Variants in SLC44A5 observed in about 807,000 individuals in gnomAD.
SLC44A5 encodes the protein choline transporter-like protein 5.
A neutral mutation model predicts 101.8 loss-of-function variants in SLC44A5; 57 were observed. The ratio of observed to expected loss-of-function variants is 0.56; its 90% confidence interval spans 0.45 to 0.70. SLC44A5 has a LOEUF of 0.70. Among genes scored for constraint, SLC44A5 ranks in the 30% least tolerant of loss-of-function variants. SLC44A5 has a pLI of 0.00. For missense variants in SLC44A5, 737 were observed against 853.1 expected (o/e 0.86, Z 1.70); for synonymous variants, 281 against 290.9 (o/e 0.97, Z 0.35).
chr1:75,444,881 G>C (rs1164560855), intron 2 of SLC44A5, among the ~76,000 whole-genome samples: 5 of 152,058 alleles, frequency 3.3e-5, no homozygotes, highest in Non-Finnish European at 5.9e-5. Flanking sequence ...GAAGTACAAA[G>C]CAGGGTCAAA....
intron 2 of SLC44A5, among the ~76,000 whole-genome samples, chr1:75,406,983 C>T (rs59729485): frequency 6.6e-6 from 1 of 152,090 alleles, no homozygotes; most frequent in South Asian, 2.1e-4. Flanking sequence ...CCAAAATCTC[C>T]TTAAGCTGAT....
At chr1:75,255,184 C>T (rs969567200) in intron 6 of SLC44A5, among the ~76,000 whole-genome samples, 1 of 152,032 alleles carries the variant, frequency 6.6e-6, no homozygotes, top group Non-Finnish European at 1.5e-5. Context: ...CCCAAACCAC[C>T]CAGTCCTTTT....
chr1:75,306,733 C>CT (rs771955227), intron 4 of SLC44A5, among the ~76,000 whole-genome samples: 2,389 of 102,498 alleles, frequency 0.023, 155 homozygotes, highest in African/African-American at 0.074. Context: ...GGTTTCCTTT[C>CT]TTTTTTTTTT....
chr1:75,543,955 T>C (rs1043034375), intron 1 of SLC44A5, among the ~76,000 whole-genome samples: 3 of 152,124 alleles, frequency 2.0e-5, no homozygotes, highest in Admixed American at 6.6e-5. Context: ...AGGCAGGTGA[T>C]TAATAATCAC....
intron 2 of SLC44A5, among the ~76,000 whole-genome samples, chr1:75,485,212 T>A (rs1668089619): frequency 6.6e-6 from 1 of 152,258 alleles, no homozygotes; most frequent in Admixed American, 6.5e-5. Flanking sequence ...ACTTTTACGC[T>A]CTACTTCCCT....
chr1:75,705,389 C>T, the SLC44A5 span, among the ~76,000 whole-genome samples: 6 of 152,066 alleles, frequency 3.9e-5, no homozygotes, highest in African/African-American at 1.4e-4. Context: ...CTTGAAAGAA[C>T]GAATCTATAA....
At chr1:75,419,437 C>T (rs1310637996) in intron 2 of SLC44A5, among the ~76,000 whole-genome samples, 2 of 141,742 alleles carry the variant, frequency 1.4e-5, no homozygotes, top group African/African-American at 5.2e-5. Context: ...AAAACTAAGA[C>T]AATGAATGAC....
intron 2 of SLC44A5, among the ~76,000 whole-genome samples, chr1:75,500,338 G>C (rs1324482160): frequency 6.6e-6 from 1 of 152,190 alleles, no homozygotes; most frequent in Non-Finnish European, 1.5e-5. Flanking sequence ...AATGTCTGAG[G>C]ATCGAAAGAT....
chr1:75,269,172 C>CT (rs1179433030), intron 6 of SLC44A5, among the ~76,000 whole-genome samples: 1 of 151,908 alleles, frequency 6.6e-6, no homozygotes, highest in African/African-American at 2.4e-5. Flanking sequence ...ATTTGCAATT[C>CT]TTTTTTTAAC....
intron 1 of SLC44A5, among the ~76,000 whole-genome samples, chr1:75,552,874 A>T (rs1672015053): frequency 7.4e-6 from 1 of 135,308 alleles, no homozygotes; most frequent in Admixed American, 7.9e-5. Flanking sequence ...GCTACAAAAC[A>T]ATTATAAATG....
chr1:75,349,996 T>C (rs551351804), intron 3 of SLC44A5, among the ~76,000 whole-genome samples: 21 of 152,026 alleles, frequency 1.4e-4, no homozygotes, highest in African/African-American at 5.1e-4. Flanking sequence ...GTCTGGGAAA[T>C]AAGAAAGCAC....
chr1:75,650,625 TATA>T, the SLC44A5 span, among the ~76,000 whole-genome samples: 8 of 152,352 alleles, frequency 5.3e-5, no homozygotes, highest in East Asian at 1.5e-3. Flanking sequence ...ATGCCCTATA[TATA>T]AGTCTTATTA....
At chr1:75,448,288 T>C (rs1029476545) in intron 2 of SLC44A5, among the ~76,000 whole-genome samples, 1 of 152,194 alleles carries the variant, frequency 6.6e-6, no homozygotes, top group East Asian at 1.9e-4. Flanking sequence ...TCTGCATAGA[T>C]GGAAACATGA....
chr1:75,390,774 G>A (rs554237578), intron 3 of SLC44A5, among the ~76,000 whole-genome samples: 5 of 152,176 alleles, frequency 3.3e-5, no homozygotes, highest in African/African-American at 1.2e-4. Context: ...TTCCCTTGAG[G>A]AACTAGAACA....
intron 2 of SLC44A5, among the ~76,000 whole-genome samples, chr1:75,509,543 G>GGAAA (rs1447810762): frequency 6.6e-6 from 1 of 152,118 alleles, no homozygotes; most frequent in African/African-American, 2.4e-5. Context: ...GACTCACAAT[G>GGAAA]GAAAAGATAC....
chr1:75,292,150 G>A (rs930376288), intron 5 of SLC44A5, among the ~76,000 whole-genome samples: 6 of 151,990 alleles, frequency 3.9e-5, no homozygotes, highest in Admixed American at 2.0e-4. Context: ...TGAATTCCCT[G>A]GTAAAGGTTC....
intron 3 of SLC44A5, among the ~76,000 whole-genome samples, chr1:75,373,543 G>A (rs993947786): frequency 1.3e-5 from 2 of 152,158 alleles, no homozygotes; most frequent in African/African-American, 2.4e-5. Context: ...GCAACTAAAC[G>A]TGACTTCAGG....
intron 2 of SLC44A5, among the ~76,000 whole-genome samples, chr1:75,499,504 G>A (rs989234249): frequency 2.0e-5 from 3 of 152,182 alleles, no homozygotes; most frequent in Admixed American, 2.0e-4. Flanking sequence ...ATGGTTCGGG[G>A]GTTGGGGAAC....
At chr1:75,696,070 A>G in the SLC44A5 span, among the ~76,000 whole-genome samples, 1 of 152,142 alleles carries the variant, frequency 6.6e-6, no homozygotes, top group Non-Finnish European at 1.5e-5. Flanking sequence ...TGCAGTAACC[A>G]AGAACTCCAA....
Sources: gnomAD v4.1 joint callset for allele counts (sites outside exome capture counted in the v4.1 genomes callset) on GRCh38, gnomAD v4.1.1 for gene constraint, MANE v1.5 for transcripts, NCBI Gene and HGNC (gene_info 2026-07-23, HGNC 2026-07-21) for gene names.